The following ATF7 variants were observed in gnomAD, a reference collection of about 807,000 sequenced individuals.
ATF7 encodes the protein cyclic AMP-dependent transcription factor ATF-7.
In ATF7, 10 loss-of-function variants were observed where a neutral mutation model predicts 50.4. The observed-to-expected ratio is 0.20, with a 90% CI of 0.12 to 0.34. The LOEUF (loss-of-function observed/expected upper bound fraction) is 0.34, where lower values mean the gene tolerates loss of function less well. Ranked by LOEUF, ATF7 falls within the 10% of genes least tolerant of loss-of-function variation. ATF7 has a pLI of 1.00. For synonymous variants in ATF7, 201 were observed against 226.4 expected, an observed-to-expected ratio of 0.89 and a Z score of 1.01; for missense variants, 465 against 613.9, an observed-to-expected ratio of 0.76 and a Z score of 2.56.
chr12:53,617,747 A>C (rs1944202103), intron 1 of ATF7, among the ~76,000 whole-genome samples: 1 of 152,208 alleles, frequency 6.6e-6, no homozygotes, highest in Admixed American at 6.5e-5. Context: ...ATCTTTTTAT[A>C]CAAGTTTATC....
chr12:53,621,031 C>T (rs1263302551), intron 1 of ATF7, among the ~76,000 whole-genome samples: 1 of 152,172 alleles, frequency 6.6e-6, no homozygotes, highest in African/African-American at 2.4e-5. Flanking sequence ...GCAAGTTATG[C>T]AGTGATCTAT....
chr12:53,542,429 A>G (rs1489523366), intron 4 of ATF7, among the ~76,000 whole-genome samples: 1 of 146,530 alleles, frequency 6.8e-6, no homozygotes, highest in African/African-American at 2.5e-5. Context: ...TCTTGTCTCA[A>G]AAAAAAAAAA....
At chr12:53,591,897 CT>C (rs775224026) in intron 2 of ATF7, among the ~76,000 whole-genome samples, 3 of 152,172 alleles carry the variant, frequency 2.0e-5, no homozygotes, top group Non-Finnish European at 2.9e-5. Flanking sequence ...ATTCTGCTGA[CT>C]TTCCCCGCAC....
At chr12:53,612,982 C>T (rs543018523) in intron 1 of ATF7, among the ~76,000 whole-genome samples, 6 of 151,710 alleles carry the variant, frequency 4.0e-5, no homozygotes, top group African/African-American at 1.5e-4. Context: ...CCAGCCTGGA[C>T]GACAGAGCGA....
chr12:53,510,538 C>A (rs1944110510), downstream of ATF7, among the ~76,000 whole-genome samples: 1 of 149,312 alleles, frequency 6.7e-6, no homozygotes, highest in Admixed American at 6.6e-5. Flanking sequence ...AGCTCTTGCA[C>A]TTCACTGTGT....
chr12:53,568,102 C>T (rs1941546928), intron 2 of ATF7, among the ~76,000 whole-genome samples: 1 of 152,190 alleles, frequency 6.6e-6, no homozygotes, highest in Non-Finnish European at 1.5e-5. Context: ...CTGAAAATTT[C>T]ACTGTGGAAA....
At position 53,546,872 on chromosome 12, in the gene ATF7, C is replaced by G. The variant is rs11834519; in HGVS notation, c.146-3424G>C. 8.8e-3 allele frequency among the ~76,000 whole-genome samples: 1,346 copies of G among 152,194 alleles called. 22 individuals carry two copies. Among genetic ancestry groups the G allele is most frequent in the African/African-American group, 0.031 (1,302 of 41,538 alleles). Reference sequence around the variant, plus strand: ...TCCTAGGCTCAAGTGATCCTCCCACCTCAGCCTCCCAAGTAGCTGGGACCA... The same window carrying G: ...TCCTAGGCTCAAGTGATCCTCCCACGTCAGCCTCCCAAGTAGCTGGGACCA... On this transcript the variant is annotated intron_variant, in intron 3 of 11. Transcript: ENST00000420353.
chr12:53,560,114 G>A (rs972452881), intron 2 of ATF7, among the ~76,000 whole-genome samples: 1 of 151,868 alleles, frequency 6.6e-6, no homozygotes, highest in Admixed American at 6.6e-5. Flanking sequence ...AGTAGAGACA[G>A]GGTTTCACCA....
intron 6 of ATF7, among the ~76,000 whole-genome samples, chr12:53,533,920 T>A (rs1013755220): frequency 1.3e-5 from 2 of 152,222 alleles, no homozygotes; most frequent in African/African-American, 4.8e-5. Flanking sequence ...CACACTGTAA[T>A]GAACTTCTAA....
In ATF7 at chr12:53,531,736, C is replaced by T. The variant is rs767108067; in HGVS notation, c.927+8G>A. 2.5e-6 allele frequency: 4 copies of T among 1,608,200 alleles called. No homozygotes were observed. The highest frequency in any genetic ancestry group is 1.7e-5 in the Admixed American group (1 of 58,846). The stretch of plus-strand genomic sequence containing the variant: ...AAAGATATGACATAAAGAGTAAGAG[C>T]CACTGACCTGTGGCTGGGCAGGGGA... On this transcript the variant is annotated splice_region_variant and intron_variant, in intron 9 of 11. Transcript: ENST00000420353.
intron 2 of ATF7, among the ~76,000 whole-genome samples, chr12:53,576,479 G>C (rs1010786784): frequency 2.0e-5 from 3 of 152,126 alleles, no homozygotes; most frequent in Admixed American, 6.6e-5. Context: ...AATGGCATTA[G>C]GTACCCTTAT....
intron 2 of ATF7, among the ~76,000 whole-genome samples, chr12:53,577,747 AG>A (rs1416006942): frequency 6.6e-6 from 1 of 151,886 alleles, no homozygotes; most frequent in Non-Finnish European, 1.5e-5. Context: ...AAAGAAAGAA[AG>A]AAAGAAACAC....
chr12:53,554,213 C>T (rs894016449), intron 2 of ATF7, among the ~76,000 whole-genome samples: 2 of 152,238 alleles, frequency 1.3e-5, no homozygotes, highest in African/African-American at 4.8e-5. Flanking sequence ...TCACTGCAAC[C>T]TCTGCTGCCC....
At chr12:53,589,972 T>G (rs1319463899) in intron 2 of ATF7, among the ~76,000 whole-genome samples, 2 of 152,244 alleles carry the variant, frequency 1.3e-5, no homozygotes, top group African/African-American at 4.8e-5. Context: ...TCTCGCTTTG[T>G]TGCCCAGGCT....
intron 2 of ATF7, among the ~76,000 whole-genome samples, chr12:53,555,325 C>CAA (rs113283704): frequency 8.7e-5 from 10 of 114,320 alleles, no homozygotes; most frequent in South Asian, 5.5e-4. Context: ...AACTCCATCT[C>CAA]AAAAAAAAAA....
chr12:53,573,029 C>T (rs1348923130), intron 2 of ATF7, among the ~76,000 whole-genome samples: 3 of 151,186 alleles, frequency 2.0e-5, no homozygotes, highest in Non-Finnish European at 4.4e-5. Flanking sequence ...AAGTGATCTG[C>T]CCGCCTCGGC....
intron 2 of ATF7, among the ~76,000 whole-genome samples, chr12:53,559,973 A>C (rs1941003689): frequency 6.6e-6 from 1 of 152,040 alleles, no homozygotes; most frequent in South Asian, 2.1e-4. Context: ...CCCAGGCTGG[A>C]GTGCAATGGT....
At chr12:53,613,496 T>C (rs1943984329) in intron 1 of ATF7, among the ~76,000 whole-genome samples, 1 of 152,106 alleles carries the variant, frequency 6.6e-6, no homozygotes, top group Non-Finnish European at 1.5e-5. Context: ...GATAAACAAA[T>C]GCTCTTTGGA....
At chr12:53,608,019 A>G (rs926131254) in intron 1 of ATF7, among the ~76,000 whole-genome samples, 4 of 152,120 alleles carry the variant, frequency 2.6e-5, no homozygotes, top group African/African-American at 9.7e-5. Context: ...AGAGATCGAG[A>G]CCATCCTGGC....
Sources: allele counts gnomAD v4.1 joint callset (sites outside exome capture counted in the v4.1 genomes callset), GRCh38; gene constraint gnomAD v4.1.1; transcripts MANE v1.5; gene names NCBI Gene and HGNC (gene_info 2026-07-23, HGNC 2026-07-21).